DLG2: variants seen among roughly 807,000 people sequenced by gnomAD.
The protein encoded by DLG2 is disks large homolog 2.
Under a neutral mutation model 132.5 loss-of-function variants are expected in DLG2, and 45 were observed. That is an observed-to-expected ratio of 0.34 (90% CI 0.27 to 0.44). The LOEUF (loss-of-function observed/expected upper bound fraction) is 0.44, where lower values mean the gene tolerates loss of function less well. DLG2 is among the 20% of genes least tolerant of loss of function. The probability of loss-of-function intolerance (pLI) is 1.00; values close to 1 mark genes in which losing one functional copy is unlikely to be tolerated. For synonymous variants in DLG2, 424 were observed against 419.6 expected (o/e 1.01, Z -0.13); for missense variants, 1,045 against 1,196.9 (o/e 0.87, Z 1.87).
rs956917628 is a variant in DLG2 at position 83,828,180 on chromosome 11, C to T, written c.1722+5434G>A. On this transcript the variant is annotated intron_variant, in intron 17 of 27. Coordinates refer to ENST00000376104, the MANE Select transcript of DLG2 (RefSeq NM_001142699.3). ...CCCATAACCTTAAAACATAGTAAAA[C>T]GTTACTTCCCTTTTCTGTATAGGCA... Among the ~76,000 whole-genome samples the T allele has an allele frequency of 2.6e-5, 4 of 152,054 alleles. No individual in the cohort carries two copies. In the East Asian group the frequency reaches 7.7e-4, roughly 29 times the overall value.
intron 7 of DLG2, among the ~76,000 whole-genome samples, chr11:84,495,325 C>T (rs1387318797): frequency 6.6e-6 from 1 of 152,130 alleles, no homozygotes; most frequent in Non-Finnish European, 1.5e-5. Context: ...AACATATCAC[C>T]TAAGAGTTAG....
Position 83,677,766 on chromosome 11 carries a change from C to A in DLG2, c.1826-44441G>T, listed in dbSNP as rs1361226710. Among the ~76,000 whole-genome samples the A allele has an allele frequency of 3.9e-5, 6 of 152,162 alleles. No individual in the cohort carries two copies. The East Asian group carries it at 1.2e-3, about 29-fold the overall frequency. On this transcript the variant is annotated intron_variant, in intron 18 of 27. Coordinates refer to ENST00000376104, the MANE Select transcript of DLG2 (RefSeq NM_001142699.3). Reference sequence around the variant, plus strand: ...TGCTTAGAACTCCTGGCTGTTAATTCTCCTTAGGAGGGTCTTTGTCTCCAA... The same window carrying A: ...TGCTTAGAACTCCTGGCTGTTAATTATCCTTAGGAGGGTCTTTGTCTCCAA...
intron 3 of DLG2, among the ~76,000 whole-genome samples, chr11:85,444,337 T>C (rs1266815133): frequency 2.6e-5 from 4 of 152,168 alleles, no homozygotes; most frequent in Non-Finnish European, 4.4e-5. Flanking sequence ...TTTGCAGCTA[T>C]AGCTGAGTAA....
At chr11:84,266,808 T>C (rs2097644097) in intron 7 of DLG2, among the ~76,000 whole-genome samples, 2 of 152,228 alleles carry the variant, frequency 1.3e-5, no homozygotes, top group Non-Finnish European at 2.9e-5. Flanking sequence ...AAGGATCATT[T>C]CCTCATTATC....
chr11:83,976,039 A>C (rs80081312), intron 12 of DLG2, among the ~76,000 whole-genome samples: 1,803 of 152,006 alleles, frequency 0.012, 35 homozygotes, highest in African/African-American at 0.041. Context: ...ACATACGTTA[A>C]ATTCTGAGAT....
chr11:84,913,023 C>T (rs777142395), intron 6 of DLG2, among the ~76,000 whole-genome samples: 2 of 152,094 alleles, frequency 1.3e-5, no homozygotes, highest in East Asian at 1.9e-4. Context: ...AGAGCCTCCA[C>T]TGAGGAAAGG....
Position 84,992,880 on chromosome 11 carries a change from A to T in DLG2, c.357+118781T>A, listed in dbSNP as rs1019967827. Among the ~76,000 whole-genome samples, 6 of 152,154 alleles carry T rather than the reference A, an allele frequency of 3.9e-5. No individual in the cohort carries two copies. The East Asian group carries it at 1.2e-3, about 29-fold the overall frequency. ...AAGACAGTGTTGCAAATCCTCAAGG[A>T]TCTAGAACCAGAAATACCATTTGAC... On this transcript the variant is annotated intron_variant, in intron 6 of 27. Transcript: ENST00000376104.
intron 3 of DLG2, among the ~76,000 whole-genome samples, chr11:85,375,472 A>C (rs763751181): frequency 1.1e-4 from 17 of 152,168 alleles, no homozygotes; most frequent in Non-Finnish European, 2.4e-4. Flanking sequence ...TGAGGCCAGG[A>C]GTTTGAGACC....
chr11:83,807,056 T>C (rs1232613763), intron 17 of DLG2, among the ~76,000 whole-genome samples: 1 of 152,152 alleles, frequency 6.6e-6, no homozygotes, highest in African/African-American at 2.4e-5. Context: ...TTTCAAAAAA[T>C]GCTTCTAGAC....
intron 15 of DLG2, among the ~76,000 whole-genome samples, chr11:83,879,547 A>C (rs1414076517): frequency 6.6e-6 from 1 of 152,036 alleles, no homozygotes; most frequent in East Asian, 1.9e-4. Context: ...GCATGCATTA[A>C]ATTGTCACTA....
At chr11:84,755,422 T>C (rs952854546) in intron 6 of DLG2, among the ~76,000 whole-genome samples, 6 of 36,210 alleles carry the variant, frequency 1.7e-4, no homozygotes, top group African/African-American at 7.2e-4. Context: ...TCAGCAATTG[T>C]TTTTTGTTTT....
intron 19 of DLG2, among the ~76,000 whole-genome samples, chr11:83,608,171 G>C (rs934192984): frequency 6.6e-6 from 1 of 152,124 alleles, no homozygotes; most frequent in Non-Finnish European, 1.5e-5. Flanking sequence ...GAAAATATCA[G>C]TAAGTCAAAA....
At chr11:84,235,860 T>C (rs1354005743) in intron 8 of DLG2, among the ~76,000 whole-genome samples, 2 of 152,168 alleles carry the variant, frequency 1.3e-5, no homozygotes, top group African/African-American at 2.4e-5. Flanking sequence ...CTACAACTTC[T>C]TACCTATAGA....
intron 6 of DLG2, among the ~76,000 whole-genome samples, chr11:84,974,015 T>C (rs1260589304): frequency 6.6e-6 from 1 of 152,186 alleles, no homozygotes; most frequent in African/African-American, 2.4e-5. Flanking sequence ...AAGATGAAAG[T>C]AGATAGTCCC....
chr11:84,465,665 T>C (rs930402578), intron 7 of DLG2, among the ~76,000 whole-genome samples: 3 of 151,432 alleles, frequency 2.0e-5, no homozygotes, highest in Non-Finnish European at 3.0e-5. Context: ...ATAACACTTT[T>C]AACAAAATAA....
At chr11:84,228,344 A>G (rs2097037894) in intron 8 of DLG2, among the ~76,000 whole-genome samples, 1 of 152,212 alleles carries the variant, frequency 6.6e-6, no homozygotes, top group African/African-American at 2.4e-5. Flanking sequence ...TGACACATTC[A>G]TCTTGGATCT....
At chr11:85,616,675 TC>T (rs749934327) in intron 2 of DLG2, among the ~76,000 whole-genome samples, 1 of 152,134 alleles carries the variant, frequency 6.6e-6, no homozygotes, top group Non-Finnish European at 1.5e-5. Context: ...AAGGGACTTC[TC>T]CTAGCCCCTT....
At chr11:85,514,047 A>C (rs1420601075) in intron 3 of DLG2, among the ~76,000 whole-genome samples, 3 of 151,928 alleles carry the variant, frequency 2.0e-5, no homozygotes, top group Non-Finnish European at 4.4e-5. Context: ...TCTCCCTTGT[A>C]ATACATATTT....
chr11:83,639,811 G>A (rs1591486161), intron 18 of DLG2, among the ~76,000 whole-genome samples: 1 of 150,838 alleles, frequency 6.6e-6, no homozygotes, highest in South Asian at 2.1e-4. Flanking sequence ...GGAACTCTAT[G>A]TTAGAAGGCC....
Sources: gnomAD v4.1 joint callset for allele counts (sites outside exome capture counted in the v4.1 genomes callset) on GRCh38, gnomAD v4.1.1 for gene constraint, MANE v1.5 for transcripts, NCBI Gene and HGNC (gene_info 2026-07-23, HGNC 2026-07-21) for gene names.